DENND1B: variants seen among roughly 807,000 people sequenced by gnomAD.
DENND1B encodes the protein DENN domain containing 1B, also known as DENN domain-containing protein 1B.
In DENND1B, 59 loss-of-function variants were observed where a neutral mutation model predicts 90.1. The ratio of observed to expected loss-of-function variants is 0.65; its 90% CI spans 0.53 to 0.81. The LOEUF (loss-of-function observed/expected upper bound fraction) is 0.81, where lower values mean the gene tolerates loss of function less well. DENND1B is among the 40% of genes least tolerant of loss of function. The pLI, the probability that DENND1B is intolerant of heterozygous loss-of-function variation, is 0.00. For synonymous variants in DENND1B, 337 were observed against 324.6 expected, an observed-to-expected ratio of 1.04 and a Z score of -0.41; for missense variants, 862 against 912.6, an observed-to-expected ratio of 0.94 and a Z score of 0.71.
chr1:197,606,064 GT>G (rs540040507), intron 13 of DENND1B: 147 of 150,780 alleles, frequency 9.7e-4, no homozygotes, highest in African/African-American at 3.3e-3. Flanking sequence ...TAAATGCTTT[GT>G]TTTTTTAAAA....
chr1:197,567,454 A>C (rs972980029), intron 15 of DENND1B, among the ~76,000 whole-genome samples: 1 of 152,154 alleles, frequency 6.6e-6, no homozygotes, highest in Non-Finnish European at 1.5e-5. Flanking sequence ...CTTCAAAAAA[A>C]CTGAAAAGAA....
In DENND1B at chr1:197,706,764, G is replaced by A. The variant is rs79113763; in HGVS notation, c.126+8267C>T. 2.0e-3 allele frequency among the ~76,000 whole-genome samples: 301 copies of A among 152,134 alleles called. 3 individuals are homozygous for A. In the East Asian group the frequency reaches 0.045, roughly 23 times the overall value. ...CAGTTACAATAGTTATCATCAAAGA[G>A]ACAAAAACTAACAAATGCTGGCAAG... On this transcript the variant is annotated intron_variant, in intron 3 of 22. Transcript: ENST00000620048.
intron 19 of DENND1B, among the ~76,000 whole-genome samples, chr1:197,540,321 C>T (rs116037315): frequency 0.011 from 1,684 of 151,598 alleles, 35 homozygotes; most frequent in African/African-American, 0.038. Flanking sequence ...AATTAAAAAT[C>T]TTTGATTACT....
intron 14 of DENND1B, among the ~76,000 whole-genome samples, chr1:197,593,438 AT>A: frequency 6.6e-6 from 1 of 152,020 alleles, no homozygotes; most frequent in Non-Finnish European, 1.5e-5. Flanking sequence ...AAACAAATAA[AT>A]TTATAACAAA....
intron 3 of DENND1B, among the ~76,000 whole-genome samples, chr1:197,678,003 C>A (rs1402523064): frequency 6.6e-6 from 1 of 152,132 alleles, no homozygotes; most frequent in Non-Finnish European, 1.5e-5. Flanking sequence ...TTCTGTCAGT[C>A]TTTTTATCAG....
intron 16 of DENND1B, chr1:197,552,113 T>G (rs1671287888): frequency 3.2e-6 from 2 of 628,998 alleles, no homozygotes; most frequent in Non-Finnish European, 4.0e-6. Flanking sequence ...ACTTATTACG[T>G]TTTGTCTTTT....
intron 3 of DENND1B, among the ~76,000 whole-genome samples, chr1:197,679,507 T>C (rs1303946757): frequency 1.3e-5 from 2 of 151,716 alleles, no homozygotes; most frequent in African/African-American, 4.8e-5. Flanking sequence ...AGAAGTCCCA[T>C]TTTATATAAA....
At chr1:197,607,029 G>A in intron 13 of DENND1B, 44 bp downstream of exon 13, 1 of 1,420,252 alleles carries the variant, frequency 7.0e-7, no homozygotes, top group Non-Finnish European at 9.9e-7. Context: ...CAGAGGTCCA[G>A]GAGAAAACAT....
chr1:197,569,913 G>A (rs991899835), intron 15 of DENND1B, among the ~76,000 whole-genome samples: 20 of 152,046 alleles, frequency 1.3e-4, no homozygotes, highest in African/African-American at 4.8e-4. Flanking sequence ...AGATTGCTAG[G>A]AGAGTAGATT....
At chr1:197,518,138 C>T (rs1275737710) in intron 20 of DENND1B, among the ~76,000 whole-genome samples, 1 of 151,706 alleles carries the variant, frequency 6.6e-6, no homozygotes, top group African/African-American at 2.4e-5. Context: ...CATACTAGTT[C>T]CAGGAAAACT....
intron 3 of DENND1B, among the ~76,000 whole-genome samples, chr1:197,676,915 G>T (rs959550549): frequency 6.6e-6 from 1 of 151,934 alleles, no homozygotes; most frequent in East Asian, 1.9e-4. Context: ...TGTTAGAGTG[G>T]TATATTAATT....
chr1:197,751,047 T>C (rs1037958858), intron 2 of DENND1B, among the ~76,000 whole-genome samples: 1 of 152,026 alleles, frequency 6.6e-6, no homozygotes, highest in Admixed American at 6.5e-5. Context: ...ATCCAAAAAA[T>C]AAAAACATAA....
intron 13 of DENND1B, among the ~76,000 whole-genome samples, chr1:197,600,885 G>T (rs1457251144): frequency 2.0e-5 from 3 of 151,630 alleles, no homozygotes; most frequent in African/African-American, 7.3e-5. Flanking sequence ...CCTCAGGCTT[G>T]CAACCTTTAC....
chr1:197,724,724 T>C (rs1324536864), intron 2 of DENND1B, among the ~76,000 whole-genome samples: 4 of 152,130 alleles, frequency 2.6e-5, no homozygotes, highest in Non-Finnish European at 5.9e-5. Context: ...GCATATATTG[T>C]AAGGATATTT....
chr1:197,728,388 A>C (rs1264685077), intron 2 of DENND1B, among the ~76,000 whole-genome samples: 1 of 152,234 alleles, frequency 6.6e-6, no homozygotes, highest in African/African-American at 2.4e-5. Context: ...GTGTTTTTGT[A>C]GATATTCATA....
chr1:197,748,718 A>C (rs753176496), intron 2 of DENND1B, among the ~76,000 whole-genome samples: 14 of 152,198 alleles, frequency 9.2e-5, no homozygotes, highest in Non-Finnish European at 1.8e-4. Context: ...CCAGAAAGAA[A>C]CACAGCCCTG....
At chr1:197,696,626 T>C (rs146092211) in intron 3 of DENND1B, among the ~76,000 whole-genome samples, 25 of 151,732 alleles carry the variant, frequency 1.6e-4, no homozygotes, top group African/African-American at 6.0e-4. Context: ...CAGTTTGAAA[T>C]CTTTCCAAAT....
In DENND1B at chr1:197,510,768, CACCG is replaced by C; in HGVS notation, c.2016_2019del (p.Gly673LeufsTer4). On this transcript the variant is annotated frameshift_variant, in exon 23 of 23. Transcript: ENST00000620048. LOFTEE classifies it low-confidence loss of function (END_TRUNC). Reference sequence around the variant, plus strand: ...GAAGTAGGGTCACTCACATTGTCAGCACCGAGGTGCTTGTTACTGTTTTCCTCTT... The same window carrying C: ...GAAGTAGGGTCACTCACATTGTCAGCAGGTGCTTGTTACTGTTTTCCTCTT... The C allele has an allele frequency of 6.2e-7, 1 of 1,612,532 alleles. No homozygotes were observed. The highest frequency in any genetic ancestry group is 8.5e-7 in the Non-Finnish European group (1 of 1,179,106).
intron 5 of DENND1B, among the ~76,000 whole-genome samples, chr1:197,670,278 T>C (rs1655356004): frequency 6.6e-6 from 1 of 152,160 alleles, no homozygotes; most frequent in South Asian, 2.1e-4. Flanking sequence ...ATTCAAAGTA[T>C]TTTAAGAGTT....
Sources: allele counts gnomAD v4.1 joint callset (sites outside exome capture counted in the v4.1 genomes callset), GRCh38; gene constraint gnomAD v4.1.1; transcripts MANE v1.5; gene names NCBI Gene and HGNC (gene_info 2026-07-23, HGNC 2026-07-21).